The following POU2F3 variants were observed in gnomAD, a reference collection of about 807,000 sequenced individuals.
The protein encoded by POU2F3 is POU domain, class 2, transcription factor 3.
A neutral mutation model predicts 59.2 loss-of-function variants in POU2F3; 23 were observed. The ratio of observed to expected loss-of-function variants is 0.39; its 90% CI spans 0.28 to 0.55. The LOEUF (loss-of-function observed/expected upper bound fraction) is 0.55, where lower values mean the gene tolerates loss of function less well. Among genes scored for constraint, POU2F3 ranks in the 20% least tolerant of loss-of-function variants. The probability of loss-of-function intolerance (pLI) is 0.66; values close to 1 mark genes in which losing one functional copy is unlikely to be tolerated. For synonymous variants in POU2F3, 190 were observed against 214.6 expected, an observed-to-expected ratio of 0.89 and a Z score of 1.00; for missense variants, 473 against 544.5, an observed-to-expected ratio of 0.87 and a Z score of 1.31.
chr11:120,295,679 A>G (rs1316056515), intron 3 of POU2F3, among the ~76,000 whole-genome samples: 2 of 152,224 alleles, frequency 1.3e-5, no homozygotes, highest in African/African-American at 4.8e-5. Context: ...GAGAAGAACT[A>G]GGACACCAGA....
chr11:120,247,104 G>C (rs937323054), intron 2 of POU2F3, among the ~76,000 whole-genome samples: 7 of 152,118 alleles, frequency 4.6e-5, no homozygotes, highest in Non-Finnish European at 1.0e-4. Context: ...CCCAAAAAAA[G>C]CTGAGAGGAA....
chr11:120,254,329 A>G (rs1939242661), intron 2 of POU2F3, among the ~76,000 whole-genome samples: 1 of 152,118 alleles, frequency 6.6e-6, no homozygotes, highest in African/African-American at 2.4e-5. Context: ...GCAGACATAC[A>G]CTTCAGACCC....
chr11:120,274,863 G>T (rs1296646853), intron 3 of POU2F3, among the ~76,000 whole-genome samples: 1 of 152,106 alleles, frequency 6.6e-6, no homozygotes, highest in Admixed American at 6.5e-5. Context: ...AGGAAGGAAG[G>T]TCAAAGGGAC....
chr11:120,277,902 C>G (rs1159389787), intron 3 of POU2F3, among the ~76,000 whole-genome samples: 1 of 152,184 alleles, frequency 6.6e-6, no homozygotes, highest in East Asian at 1.9e-4. Context: ...TAGACATATT[C>G]CCCTAAAAGG....
chr11:120,308,325 C>T (rs573442524), intron 9 of POU2F3, among the ~76,000 whole-genome samples: 5 of 152,356 alleles, frequency 3.3e-5, no homozygotes, highest in East Asian at 3.9e-4. Flanking sequence ...ATGGGTACCA[C>T]GCGTCTCCAA....
At chr11:120,279,588 G>C (rs570510252) in intron 3 of POU2F3, among the ~76,000 whole-genome samples, 2 of 152,186 alleles carry the variant, frequency 1.3e-5, no homozygotes, top group Admixed American at 1.3e-4. Context: ...AAGCGTGGGC[G>C]GGGAAGCAGT....
intron 1 of POU2F3, among the ~76,000 whole-genome samples, chr11:120,243,857 A>G (rs994370416): frequency 3.3e-5 from 5 of 152,218 alleles, no homozygotes; most frequent in African/African-American, 1.2e-4. Flanking sequence ...CCCATAATGG[A>G]TACATCAAAT....
At chr11:120,245,515 A>G (rs1938833836) in intron 1 of POU2F3, among the ~76,000 whole-genome samples, 2 of 152,154 alleles carry the variant, frequency 1.3e-5, no homozygotes, top group Admixed American at 1.3e-4. Flanking sequence ...TTGAATAAAT[A>G]TTCTTCTGTC....
intron 2 of POU2F3, among the ~76,000 whole-genome samples, chr11:120,268,157 C>T (rs1939915111): frequency 6.6e-6 from 1 of 151,860 alleles, no homozygotes; most frequent in Non-Finnish European, 1.5e-5. Context: ...TTATGATGCT[C>T]ACTGGAAAAA....
At chr11:120,304,339 A>AAAAAAAAAAAAAAGAAG (rs368735249) in intron 6 of POU2F3, 1 of 141,856 alleles carries the variant, frequency 7.0e-6, no homozygotes, top group East Asian at 2.4e-4. Flanking sequence ...TCAAAAAAAA[A>AAAAAAAAAAAAAAGAAG]AAGAAGAAGA....
At chr11:120,279,739 C>T (rs1281012968) in intron 3 of POU2F3, among the ~76,000 whole-genome samples, 1 of 152,316 alleles carries the variant, frequency 6.6e-6, no homozygotes, top group East Asian at 1.9e-4. Context: ...TGGACCAAGC[C>T]CTGTGGCAAG....
At chr11:120,238,101 A>G (rs894971975), upstream of POU2F3, among the ~76,000 whole-genome samples, 5 of 152,092 alleles carry the variant, frequency 3.3e-5, no homozygotes, top group Non-Finnish European at 5.9e-5. Context: ...TTAGCCGGGC[A>G]TGGTGGCGCA....
intron 2 of POU2F3, among the ~76,000 whole-genome samples, chr11:120,263,576 T>C (rs1363395138): frequency 1.3e-5 from 2 of 152,242 alleles, no homozygotes; most frequent in Non-Finnish European, 2.9e-5. Context: ...CCATACTCAA[T>C]TTTTTTCTGC....
chr11:120,308,210 G>A (rs1369696216), intron 9 of POU2F3, among the ~76,000 whole-genome samples: 2 of 152,140 alleles, frequency 1.3e-5, no homozygotes, highest in Non-Finnish European at 2.9e-5. Flanking sequence ...CCAGTATGTG[G>A]AAGCTGTGAG....
chr11:120,261,213 G>A (rs1488332000), intron 2 of POU2F3: 1 of 145,494 alleles, frequency 6.9e-6, no homozygotes, highest in Non-Finnish European at 1.5e-5. Context: ...TTGTTTGTTT[G>A]TTTGCCTCCC....
In POU2F3 at chr11:120,251,776, C is replaced by T. The variant is rs187935224; in HGVS notation, c.97+5259C>T. Among the ~76,000 whole-genome samples, 20 of 149,292 alleles carry T rather than the reference C, an allele frequency of 1.3e-4. No individual in the cohort carries two copies. The East Asian group carries it at 3.2e-3, about 24-fold the overall frequency. The stretch of plus-strand genomic sequence containing the variant: ...ATATCTCTAAGAAAAACCAACCCCA[C>T]GTTTTCTCTTGGCTGCCTTTTTTTT... On this transcript the variant is annotated intron_variant, in intron 2 of 12. Coordinates refer to ENST00000543440, the MANE Select transcript of POU2F3 (RefSeq NM_014352.4).
chr11:120,286,459 T>G (rs4936513), intron 3 of POU2F3, among the ~76,000 whole-genome samples: 1 of 151,900 alleles, frequency 6.6e-6, no homozygotes, highest in South Asian at 2.1e-4. Flanking sequence ...ACCTATTTGA[T>G]TGTATTTATT....
chr11:120,311,886 A>G (rs1009952562), intron 10 of POU2F3, among the ~76,000 whole-genome samples: 3 of 152,200 alleles, frequency 2.0e-5, no homozygotes, highest in African/African-American at 7.2e-5. Flanking sequence ...AAAGAAACTG[A>G]GAAGGAGGGA....
chr11:120,313,902 T>G (rs1941717935), intron 10 of POU2F3, among the ~76,000 whole-genome samples: 1 of 152,130 alleles, frequency 6.6e-6, no homozygotes, highest in Non-Finnish European at 1.5e-5. Flanking sequence ...TAATCCCAGC[T>G]ACTCGGGAGA....
Sources: gnomAD v4.1 joint callset for allele counts (sites outside exome capture counted in the v4.1 genomes callset) on GRCh38, gnomAD v4.1.1 for gene constraint, MANE v1.5 for transcripts, NCBI Gene and HGNC (gene_info 2026-07-23, HGNC 2026-07-21) for gene names.